Variants in SLC6A19 observed in about 807,000 individuals in gnomAD.
The protein encoded by SLC6A19 is solute carrier family 6 member 19.
Under a neutral mutation model 68.3 loss-of-function variants are expected in SLC6A19, and 67 were observed. That is an observed-to-expected ratio of 0.98 (90% CI 0.81 to 1.20). The LOEUF is 1.20. Among genes scored for constraint, SLC6A19 ranks in the 50% most tolerant of loss-of-function variants. The pLI, the probability that SLC6A19 is intolerant of heterozygous loss-of-function variation, is 0.00. For missense variants in SLC6A19, 813 were observed against 851.6 expected (o/e 0.95, Z 0.56); for synonymous variants, 392 against 374.9 (o/e 1.05, Z -0.53).
intron 4 of SLC6A19, 116 bp from the exon 5 acceptor site, chr5:1,213,347 C>T: frequency 5.5e-6 from 1 of 182,162 alleles, no homozygotes; most frequent in East Asian, 1.6e-4. Context: ...CCCCCGTAGG[C>T]CTGGCCCCCA....
Position 1,209,734 on chromosome 5 carries a change from C to T in SLC6A19, c.344-710C>T, listed in dbSNP as rs1745970245. On this transcript the variant is annotated intron_variant, in intron 2 of 11. Coordinates refer to ENST00000304460, the MANE Select transcript of SLC6A19 (RefSeq NM_001003841.3). The surrounding 1 kb of genome is among the most constrained non-coding windows in gnomAD (Gnocchi z 5.5). The stretch of plus-strand genomic sequence containing the variant: ...TCAGTCTCTGTCTTTTTTTCTTTCC[C>T]CCTCCTATTCTCTCTGTCTCTTCCC... Among the ~76,000 whole-genome samples, 1 of 150,506 alleles carries T rather than the reference C, an allele frequency of 6.6e-6. No homozygotes were observed. The highest frequency in any genetic ancestry group is 1.5e-5 in the Non-Finnish European group (1 of 67,710).
At chr5:1,210,868 G>C (rs1270911501) in intron 3 of SLC6A19, among the ~76,000 whole-genome samples, 1 of 152,178 alleles carries the variant, frequency 6.6e-6, no homozygotes, top group African/African-American at 2.4e-5. Context: ...CAGGCTGCTG[G>C]GAGGCTGCTC....
rs903874762 is a variant in SLC6A19 at position 1,214,150 on chromosome 5, C to T, written c.887+85C>T. 1.1e-5 allele frequency: 17 copies of T among 1,593,508 alleles called. No homozygotes were observed. The highest frequency in any genetic ancestry group is 2.7e-5 in the African/African-American group (2 of 74,334). ...AGGATAAAAGACAAGGTGGAAAGCA[C>T]TCTGTGGCTGTGTGGCCGGGGCCTT... On this transcript the variant is annotated intron_variant, in intron 6 of 11. Coordinates refer to ENST00000304460, the MANE Select transcript of SLC6A19 (RefSeq NM_001003841.3). This position sits in a 1 kb window ranked among gnomAD's most constrained non-coding sequence, Gnocchi z 7.4.
rs1007994577 is a variant in SLC6A19 at position 1,212,099 on chromosome 5, G to C, written c.482-204G>C. Among the ~76,000 whole-genome samples the C allele has an allele frequency of 2.0e-4, 31 of 151,598 alleles. No individual in the cohort carries two copies. The highest frequency in any genetic ancestry group is 7.3e-4 in the African/African-American group (30 of 41,236). On this transcript the variant is annotated intron_variant, in intron 3 of 11. Coordinates refer to ENST00000304460, the MANE Select transcript of SLC6A19 (RefSeq NM_001003841.3). This position sits in a 1 kb window ranked among gnomAD's most constrained non-coding sequence, Gnocchi z 5.1. ...GTGCATGGACCAGATGTGCACACGAGGGTGTAGCTGTGCATGTGTGCTGTG... is the reference window on the plus strand; with the variant it reads ...GTGCATGGACCAGATGTGCACACGACGGTGTAGCTGTGCATGTGTGCTGTG...
In SLC6A19 at chr5:1,208,075, C is replaced by A. The variant is rs138629500; in HGVS notation, c.203-671C>A. On this transcript the variant is annotated intron_variant, in intron 1 of 11. Coordinates refer to ENST00000304460, the MANE Select transcript of SLC6A19 (RefSeq NM_001003841.3). ...TATATGTAAAATTTGCCATTTTAATCATTTTTACATGTACAATTCAGTGGT... is the reference window on the plus strand; with the variant it reads ...TATATGTAAAATTTGCCATTTTAATAATTTTTACATGTACAATTCAGTGGT... 2.0e-5 allele frequency among the ~76,000 whole-genome samples: 3 copies of A among 152,264 alleles called. No homozygotes were observed. In the East Asian group the frequency reaches 5.8e-4, roughly 29 times the overall value.
chr5:1,204,809 C>G (rs549615819), intron 1 of SLC6A19, among the ~76,000 whole-genome samples: 2 of 152,238 alleles, frequency 1.3e-5, no homozygotes, highest in Non-Finnish European at 2.9e-5. Context: ...TGCTGCTCAA[C>G]GCCTGGCCCC....
rs4975629 is a variant in SLC6A19, at chr5:1,216,660, A to G, written c.990A>G (p.Thr330=). The part of the protein sequence containing the change: ...VVYSVIGFRA[T]QRYDDCFSTN... ...ACTCCGTCATTGGGTTCCGCGCCACACAGCGCTACGACGACTGCTTCAGCA... is the reference window on the plus strand; with the variant it reads ...ACTCCGTCATTGGGTTCCGCGCCACGCAGCGCTACGACGACTGCTTCAGCA... The change falls in exon 7 of 12, where the codon ACA becomes ACG. Residue 330 remains threonine (T), a synonymous_variant. Transcript: ENST00000304460. 1,503,239 of 1,613,878 alleles carry G rather than the reference A, an allele frequency of 0.93. 702,586 individuals are homozygous for G. Among genetic ancestry groups the G allele is most frequent in the Non-Finnish European group, 0.95 (1,123,157 of 1,180,034 alleles).
At chr5:1,218,865 A>T in intron 8 of SLC6A19, 38 bp from the exon 9 acceptor site, 2 of 1,600,480 alleles carry the variant, frequency 1.2e-6, no homozygotes, top group South Asian at 1.1e-5. Flanking sequence ...GAGCCCACGG[A>T]GGGCAGAGGC....
At chr5:1,216,460 TG>T in intron 6 of SLC6A19, 97 bp from the exon 7 acceptor site, 1 of 1,575,750 alleles carries the variant, frequency 6.3e-7, no homozygotes, top group Non-Finnish European at 8.7e-7. Context: ...CTCTCACTCC[TG>T]GGGCTGGCGC....
chr5:1,202,284 G>C (rs1355361692), intron 1 of SLC6A19, among the ~76,000 whole-genome samples: 1 of 152,220 alleles, frequency 6.6e-6, no homozygotes, highest in Non-Finnish European at 1.5e-5. Flanking sequence ...AGCTGGGTTG[G>C]GGGCAGGTGA....
chr5:1,205,710 A>C (rs1745833962), intron 1 of SLC6A19, among the ~76,000 whole-genome samples: 1 of 152,164 alleles, frequency 6.6e-6, no homozygotes. Flanking sequence ...GGGATCATGC[A>C]CTTGCTTTTT....
chr5:1,203,156 GAC>G (rs1745762543), intron 1 of SLC6A19, among the ~76,000 whole-genome samples: 1 of 152,194 alleles, frequency 6.6e-6, no homozygotes, highest in Admixed American at 6.5e-5. Flanking sequence ...TGGAGGGGCA[GAC>G]ACATGCCTCC....
rs192572695 is a variant in SLC6A19 at position 1,216,957 on chromosome 5, C to T, written c.1173+12C>T. On this transcript the variant is annotated intron_variant, in intron 8 of 11. Coordinates refer to ENST00000304460, the MANE Select transcript of SLC6A19 (RefSeq NM_001003841.3). Reference sequence around the variant, plus strand: ...CCTTCCTCTCAGAGGTAGGTCCATTCCGGAGCTCGAGGCAGGGAGAGGGCA... The same window carrying T: ...CCTTCCTCTCAGAGGTAGGTCCATTTCGGAGCTCGAGGCAGGGAGAGGGCA... The T allele has an allele frequency of 5.6e-6, 9 of 1,612,008 alleles. No homozygotes were observed. In the African/African-American group the frequency reaches 1.1e-4, roughly 19 times the overall value.
At chr5:1,202,491 C>A (rs910969135) in intron 1 of SLC6A19, among the ~76,000 whole-genome samples, 9 of 152,204 alleles carry the variant, frequency 5.9e-5, no homozygotes, top group Non-Finnish European at 1.3e-4. Flanking sequence ...TGTTCCTGCC[C>A]AGTGGTCCTG....
intron 1 of SLC6A19, among the ~76,000 whole-genome samples, chr5:1,207,397 G>A (rs547957897): frequency 6.1e-4 from 93 of 152,360 alleles, no homozygotes; most frequent in African/African-American, 2.1e-3. Context: ...GGCCGGGCGA[G>A]TGGAGTTCAT....
intron 3 of SLC6A19, among the ~76,000 whole-genome samples, chr5:1,211,487 C>A (rs185669561): frequency 1.3e-5 from 2 of 152,230 alleles, no homozygotes; most frequent in African/African-American, 2.4e-5. Context: ...GCCCAGGGTG[C>A]ACCTGACTGT....
chr5:1,221,059 C>T, intron 10 of SLC6A19, 92 bp from the exon 11 acceptor site: 2 of 1,516,446 alleles, frequency 1.3e-6, no homozygotes, highest in Non-Finnish European at 1.8e-6. Flanking sequence ...CCTCGCAGCA[C>T]ACCATCTGTT....
chr5:1,217,727 T>C (rs1746247836), intron 8 of SLC6A19, among the ~76,000 whole-genome samples: 1 of 152,256 alleles, frequency 6.6e-6, no homozygotes, highest in Non-Finnish European at 1.5e-5. Flanking sequence ...TAAATGTCTT[T>C]TAAAAGCAAC....
chr5:1,219,557 C>G lies in SLC6A19; in HGVS notation c.1431C>G (p.Ser477=), dbSNP rs755478742. The change falls in exon 10 of 12, where the codon TCC becomes TCG. Residue 477 remains serine, a synonymous_variant. Coordinates refer to ENST00000304460, the MANE Select transcript of SLC6A19 (RefSeq NM_001003841.3). ...FLIGFIFTLN[S]GQYWLSLLDS... ...TTGGCTTCATCTTCACGCTGAACTC[C>G]GGCCAGTACTGGCTCTCCCTGCTGG... The G allele has an allele frequency of 3.1e-6, 5 of 1,612,360 alleles. No homozygotes were observed. The highest frequency in any genetic ancestry group is 3.3e-5 in the Admixed American group (2 of 60,010).
Sources: gnomAD v4.1 joint callset for allele counts (sites outside exome capture counted in the v4.1 genomes callset) on GRCh38, gnomAD v4.1.1 for gene constraint, Gnocchi (gnomAD v3.1) non-coding constraint, MANE v1.5 for transcripts, NCBI Gene and HGNC (gene_info 2026-07-23, HGNC 2026-07-21) for gene names.